NLGN1: variants seen among roughly 807,000 people sequenced by gnomAD.
NLGN1 encodes the protein neuroligin-1.
In NLGN1, 12 loss-of-function variants were observed where a neutral mutation model predicts 65.5. The observed-to-expected ratio is 0.18, with a 90% CI of 0.12 to 0.30. The LOEUF (loss-of-function observed/expected upper bound fraction) is 0.30, where lower values mean the gene tolerates loss of function less well. NLGN1 is among the 10% of genes least tolerant of loss of function. The pLI, the probability that NLGN1 is intolerant of heterozygous loss-of-function variation, is 1.00. For synonymous variants in NLGN1, 350 were observed against 359.5 expected, an observed-to-expected ratio of 0.97 and a Z score of 0.30; for missense variants, 750 against 1,007.1, an observed-to-expected ratio of 0.74 and a Z score of 3.46.
chr3:173,802,838 G>A lies in NLGN1; in HGVS notation c.494-4842G>A, dbSNP rs146733482. ...TATACAAAAAGATATACAAAAGAAT[G>A]TATATCTTTTTTTTTTTTTTTGACA... On this transcript the variant is annotated intron_variant, in intron 3 of 6. Transcript: ENST00000457714. 2.7e-5 allele frequency among the ~76,000 whole-genome samples: 4 copies of A among 150,834 alleles called. No homozygotes were observed. The East Asian group carries it at 6.0e-4, about 23-fold the overall frequency.
chr3:173,878,648 G>T (rs2150911120), intron 4 of NLGN1, among the ~76,000 whole-genome samples: 1 of 148,260 alleles, frequency 6.7e-6, no homozygotes, highest in African/African-American at 2.5e-5. Flanking sequence ...ACTTATATAT[G>T]TGTATATATA....
chr3:173,547,406 C>T (rs1198780748), intron 2 of NLGN1, among the ~76,000 whole-genome samples: 1 of 152,100 alleles, frequency 6.6e-6, no homozygotes, highest in Non-Finnish European at 1.5e-5. Flanking sequence ...GTTATCGGGT[C>T]ATTATGCCTT....
At chr3:174,156,275 C>T (rs1168456029) in intron 4 of NLGN1, among the ~76,000 whole-genome samples, 2 of 151,892 alleles carry the variant, frequency 1.3e-5, no homozygotes, top group African/African-American at 4.8e-5. Flanking sequence ...TTTTAACTAA[C>T]AGCTATTTCC....
chr3:173,931,090 T>C (rs987321045), intron 4 of NLGN1, among the ~76,000 whole-genome samples: 1 of 152,188 alleles, frequency 6.6e-6, no homozygotes, highest in Non-Finnish European at 1.5e-5. Context: ...ATCTCTATGA[T>C]TGCTTAGTTA....
intron 4 of NLGN1, among the ~76,000 whole-genome samples, chr3:174,241,056 A>G (rs1742707768): frequency 6.6e-6 from 1 of 152,218 alleles, no homozygotes; most frequent in Non-Finnish European, 1.5e-5. Flanking sequence ...AACAGGTGCC[A>G]TCCTCATCCA....
In NLGN1 at chr3:173,604,429, T is replaced by C. The variant is rs1243183605; in HGVS notation, c.-170T>C. ...TGATTGAAGATGCTGCTCCAATACATGTGAAATCAATGGGAGATATCTGCT... is the reference window on the plus strand; with the variant it reads ...TGATTGAAGATGCTGCTCCAATACACGTGAAATCAATGGGAGATATCTGCT... On this transcript the variant is annotated 5_prime_UTR_variant, in exon 3 of 7. An upstream start codon of the reference 5' UTR is lost. Coordinates refer to ENST00000457714, the Ensembl canonical transcript of NLGN1. 3.2e-5 allele frequency: 22 copies of C among 697,488 alleles called. No individual in the cohort carries two copies. Among genetic ancestry groups the C allele is most frequent in the Non-Finnish European group, 4.5e-5 (18 of 401,136 alleles). The allele number at this position is 697,488 out of a possible 1,614,324, so 43.2% of individuals were successfully genotyped here. A position where few individuals can be genotyped will look rare whatever the true frequency, so the allele number is the denominator to read the frequency against.
At chr3:174,220,880 C>G (rs1433924786) in intron 4 of NLGN1, among the ~76,000 whole-genome samples, 1 of 152,056 alleles carries the variant, frequency 6.6e-6, no homozygotes, top group African/African-American at 2.4e-5. Flanking sequence ...CAAAGAGAGC[C>G]ACAAAAGGAA....
downstream of NLGN1, among the ~76,000 whole-genome samples, chr3:174,287,819 G>T (rs1752299584): frequency 1.3e-5 from 2 of 151,424 alleles, no homozygotes; most frequent in Non-Finnish European, 3.0e-5. Flanking sequence ...TTCTCCAAGG[G>T]GGTAAAGTTG....
intron 4 of NLGN1, among the ~76,000 whole-genome samples, chr3:174,007,063 A>G (rs1247125433): frequency 1.3e-5 from 2 of 152,028 alleles, no homozygotes; most frequent in African/African-American, 4.8e-5. Context: ...CCAAGACTTC[A>G]TCTCAAAAAT....
chr3:174,253,183 T>C (rs1416934332), intron 4 of NLGN1, among the ~76,000 whole-genome samples: 2 of 141,000 alleles, frequency 1.4e-5, no homozygotes, highest in African/African-American at 2.5e-5. Flanking sequence ...CAATCTTCAA[T>C]GTAAAAGAAA....
intron 4 of NLGN1, among the ~76,000 whole-genome samples, chr3:174,071,315 T>C (rs772522498): frequency 6.6e-6 from 1 of 151,978 alleles, no homozygotes; most frequent in Non-Finnish European, 1.5e-5. Context: ...TAGAATCAAT[T>C]AGGAAAAAGG....
intron 3 of NLGN1, among the ~76,000 whole-genome samples, chr3:173,669,120 T>G (rs1553121): frequency 0.4 from 61,217 of 151,980 alleles, 13,110 homozygotes; most frequent in African/African-American, 0.56. Flanking sequence ...CGGGTTTTAA[T>G]CCTATGAGTA....
intron 2 of NLGN1, among the ~76,000 whole-genome samples, chr3:173,550,551 T>C (rs1308933546): frequency 6.6e-6 from 1 of 152,112 alleles, no homozygotes; most frequent in Non-Finnish European, 1.5e-5. Context: ...TGATAATAAG[T>C]ATATTTCCTA....
intron 2 of NLGN1, among the ~76,000 whole-genome samples, chr3:173,496,882 G>A (rs13074039): frequency 0.48 from 72,419 of 151,466 alleles, 19,969 homozygotes; most frequent in East Asian, 0.81. Context: ...GAATCTTAGC[G>A]CTTCTTATAG....
intron 3 of NLGN1, among the ~76,000 whole-genome samples, chr3:173,612,722 T>C (rs765368909): frequency 6.6e-5 from 10 of 152,102 alleles, no homozygotes; most frequent in Non-Finnish European, 1.3e-4. Flanking sequence ...CTTTGGTGAA[T>C]TGCTGTAACA....
intron 3 of NLGN1, among the ~76,000 whole-genome samples, chr3:173,634,028 A>G (rs1312421764): frequency 6.6e-6 from 1 of 152,176 alleles, no homozygotes. Flanking sequence ...TACTAGAATA[A>G]AAACAATCTA....
At chr3:173,980,484 T>C (rs1718536356) in intron 4 of NLGN1, among the ~76,000 whole-genome samples, 1 of 152,100 alleles carries the variant, frequency 6.6e-6, no homozygotes, top group East Asian at 1.9e-4. Flanking sequence ...ATTCCCCTTT[T>C]GTTTGACATT....
intron 3 of NLGN1, among the ~76,000 whole-genome samples, chr3:173,796,861 C>T (rs1011117306): frequency 8.5e-5 from 13 of 152,078 alleles, no homozygotes; most frequent in African/African-American, 2.9e-4. Flanking sequence ...TGATGTTGCT[C>T]AATTTACAGG....
At chr3:173,722,404 G>A (rs1309852707) in intron 3 of NLGN1, among the ~76,000 whole-genome samples, 4 of 151,778 alleles carry the variant, frequency 2.6e-5, no homozygotes, top group South Asian at 2.1e-4. Flanking sequence ...CACCACGCCC[G>A]ACTAATTTTT....
Sources: gnomAD v4.1 joint callset for allele counts (sites outside exome capture counted in the v4.1 genomes callset) on GRCh38, gnomAD v4.1.1 for gene constraint, MANE v1.5 for transcripts, NCBI Gene and HGNC (gene_info 2026-07-23, HGNC 2026-07-21) for gene names.